LAMA3: variants seen among roughly 807,000 people sequenced by gnomAD.
LAMA3 encodes laminin subunit alpha 3.
In LAMA3, 281 loss-of-function variants were observed where a neutral mutation model predicts 402.0. The observed-to-expected ratio is 0.70, with a 90% CI of 0.63 to 0.77. LAMA3 has a LOEUF of 0.77. Among genes scored for constraint, LAMA3 ranks in the 30% least tolerant of loss-of-function variants. The probability of loss-of-function intolerance (pLI) is 0.00; values close to 1 mark genes in which losing one functional copy is unlikely to be tolerated. For synonymous variants in LAMA3, 1,431 were observed against 1,558.4 expected (o/e 0.92, Z 1.93); for missense variants, 3,840 against 4,215.5 (o/e 0.91, Z 2.47).
chr18:23,907,609 G>T lies in LAMA3; in HGVS notation c.6778G>T (p.Glu2260Ter), dbSNP rs2145180670. ...CCTGAATATTGTGACAGTTCAGAAA[G>T]AAGTGATAGACACCAATCTCACAAC... ...QTLNIVTVQK[E>*]VIDTNLTTLR... Residue 2260 changes from glutamate to a stop codon, truncating the protein, a stop_gained, in exon 53 of 75, where the codon GAA becomes TAA. Transcript: ENST00000313654. LOFTEE classifies it high-confidence loss of function. The T allele has an allele frequency of 3.7e-6, 6 of 1,614,196 alleles. No homozygotes were observed. The highest frequency in any genetic ancestry group is 4.2e-6 in the Non-Finnish European group (5 of 1,179,998).
In LAMA3 at chr18:23,751,101, A is replaced by C; in HGVS notation, c.855+13A>C. Reference sequence around the variant, plus strand: ...TGTCACTCGGCGGGTGAGTAGTCAGAGCATTTGTTTTGTTACTTTATTTAT... The same window carrying C: ...TGTCACTCGGCGGGTGAGTAGTCAGCGCATTTGTTTTGTTACTTTATTTAT... On this transcript the variant is annotated intron_variant, in intron 5 of 74. Transcript: ENST00000313654. The C allele has an allele frequency of 1.2e-6, 2 of 1,614,010 alleles. No individual in the cohort carries two copies. The highest frequency in any genetic ancestry group is 1.7e-6 in the Non-Finnish European group (2 of 1,179,880).
chr18:23,890,162 G>T (rs749783229), intron 42 of LAMA3, 45 bp downstream of exon 42: 32 of 1,283,074 alleles, frequency 2.5e-5, no homozygotes, highest in Non-Finnish European at 3.5e-5. Context: ...TATAAAGCTG[G>T]TATAACTTAA....
chr18:23,906,965 G>C (rs1193621723), intron 52 of LAMA3, among the ~76,000 whole-genome samples: 2 of 152,164 alleles, frequency 1.3e-5, no homozygotes, highest in Admixed American at 6.5e-5. Context: ...ATGTCTGCTA[G>C]CTCCCTTTCT....
intron 34 of LAMA3, among the ~76,000 whole-genome samples, chr18:23,860,373 C>T (rs760927105): frequency 8.6e-5 from 13 of 151,454 alleles, no homozygotes; most frequent in Non-Finnish European, 1.9e-4. Flanking sequence ...ATCTTCCTGC[C>T]TCAGCCTCCT....
intron 12 of LAMA3, among the ~76,000 whole-genome samples, chr18:23,790,490 T>G (rs2144074769): frequency 6.6e-6 from 1 of 152,372 alleles, no homozygotes; most frequent in Admixed American, 6.5e-5. Context: ...GTTTGGAAAC[T>G]GCTGTGCTAA....
At chr18:23,896,916 C>T (rs45490096) in intron 44 of LAMA3, among the ~76,000 whole-genome samples, 13,076 of 151,992 alleles carry the variant, frequency 0.086, 1,078 homozygotes, top group African/African-American at 0.18. Context: ...GAACTCCCAC[C>T]CAGAAAGAGC....
At chr18:23,710,391 C>T (rs1217209651) in intron 1 of LAMA3, 1 of 308,836 alleles carries the variant, frequency 3.2e-6, no homozygotes, top group East Asian at 7.7e-5. Flanking sequence ...TTGCTTGGTG[C>T]CAAGGCTTTA....
At chr18:23,769,665 A>G in intron 8 of LAMA3, among the ~76,000 whole-genome samples, 1 of 152,268 alleles carries the variant, frequency 6.6e-6, no homozygotes, top group Non-Finnish European at 1.5e-5. Context: ...GCATGTGCGC[A>G]AGCACACACA....
intron 32 of LAMA3, among the ~76,000 whole-genome samples, chr18:23,848,825 G>A (rs759769116): frequency 1.8e-4 from 28 of 152,226 alleles, no homozygotes; most frequent in Non-Finnish European, 3.4e-4. Context: ...GTTTCTTCCG[G>A]AGGGTCTGCA....
intron 13 of LAMA3, 95 bp downstream of exon 13, chr18:23,810,598 C>G (rs1357705402): frequency 7.6e-7 from 1 of 1,317,382 alleles, no homozygotes; most frequent in Non-Finnish European, 1.1e-6. Flanking sequence ...CACAGACTCA[C>G]CACTGGCCAC....
intron 19 of LAMA3, among the ~76,000 whole-genome samples, chr18:23,821,042 C>A (rs903564650): frequency 6.6e-6 from 1 of 152,170 alleles, no homozygotes; most frequent in Admixed American, 6.6e-5. Context: ...ATTCAGAAAA[C>A]AAGCAGTAAA....
At chr18:23,897,480 A>C (rs901779080) in intron 44 of LAMA3, among the ~76,000 whole-genome samples, 1 of 152,194 alleles carries the variant, frequency 6.6e-6, no homozygotes, top group African/African-American at 2.4e-5. Context: ...ACCATTCTGC[A>C]CACACGCTGT....
intron 1 of LAMA3, among the ~76,000 whole-genome samples, chr18:23,697,965 C>G (rs1455872851): frequency 2.0e-5 from 3 of 152,026 alleles, no homozygotes; most frequent in Non-Finnish European, 4.4e-5. Flanking sequence ...GGTCTCTTCT[C>G]TGTGCGTATG....
At position 23,929,344 on chromosome 18, in the gene LAMA3, A is replaced by C. The variant is rs376641591; in HGVS notation, c.8436+579A>C. On this transcript the variant is annotated intron_variant, in intron 64 of 74. Coordinates refer to ENST00000313654, the MANE Select transcript of LAMA3 (RefSeq NM_198129.4). ...TTAGCTAGTGTGGTTATGTAGATAC[A>C]GAAGTCACCTAATATTTAGAAATGA... Among the ~76,000 whole-genome samples the C allele has an allele frequency of 8.1e-4, 123 of 152,392 alleles. 4 individuals are homozygous for C. In the South Asian group the frequency reaches 0.024, roughly 30 times the overall value.
chr18:23,824,301 T>C, intron 20 of LAMA3, 122 bp from the exon 21 acceptor site: 1 of 936,490 alleles, frequency 1.1e-6, no homozygotes, highest in Non-Finnish European at 1.7e-6. Context: ...TCAGTAAATC[T>C]GATCAGTACA....
At chr18:23,741,991 G>A (rs887094401) in intron 2 of LAMA3, among the ~76,000 whole-genome samples, 4 of 152,180 alleles carry the variant, frequency 2.6e-5, no homozygotes, top group African/African-American at 9.7e-5. Context: ...GCATGGTGGT[G>A]CACACCTGTA....
In LAMA3 at chr18:23,689,776, C is replaced by G. The variant is rs766636608; in HGVS notation, c.93C>G (p.Ala31=). Residue 31 remains alanine (A), a synonymous_variant, in exon 1 of 75, where the codon GCC becomes GCG. Coordinates refer to ENST00000313654, the MANE Select transcript of LAMA3 (RefSeq NM_198129.4). The stretch of plus-strand genomic sequence containing the variant: ...TGCTGGTACTGCGGGTGCTGCCAGC[C>G]TGCGGGGCGACCGCTCGGGATCCCG... ...LLLLVLRVLP[A]CGATARDPGA... 6.5e-7 allele frequency: 1 copy of G among 1,530,350 alleles called. No individual in the cohort carries two copies. The allele number at this position is 1,530,350 out of a possible 1,614,324, so 94.8% of individuals were successfully genotyped here.
At chr18:23,841,881 C>T (rs1448236283) in intron 27 of LAMA3, among the ~76,000 whole-genome samples, 1 of 152,026 alleles carries the variant, frequency 6.6e-6, no homozygotes, top group African/African-American at 2.4e-5. Context: ...ATGGTTGCCC[C>T]ACTGCCCTCC....
intron 8 of LAMA3, among the ~76,000 whole-genome samples, chr18:23,770,423 A>G (rs181564035): frequency 6.6e-6 from 1 of 152,174 alleles, no homozygotes; most frequent in African/African-American, 2.4e-5. Context: ...TTGAATAGCT[A>G]CTTGACAAAA....
Sources: gnomAD v4.1 joint callset for allele counts (sites outside exome capture counted in the v4.1 genomes callset) on GRCh38, gnomAD v4.1.1 for gene constraint, MANE v1.5 for transcripts, NCBI Gene and HGNC (gene_info 2026-07-23, HGNC 2026-07-21) for gene names.